Variants in GFRAL observed in about 807,000 individuals in gnomAD.
GFRAL encodes the protein GDNF family receptor alpha-like.
GFRAL carries 36 observed loss-of-function variants against 45.4 expected under a neutral mutation model. That is an observed-to-expected ratio of 0.79 (90% CI 0.61 to 1.05). The LOEUF is 1.05. Among genes scored for constraint, GFRAL ranks in the 50% least tolerant of loss-of-function variants. GFRAL has a pLI of 0.00. For synonymous variants in GFRAL, 166 were observed against 154.1 expected, an observed-to-expected ratio of 1.08 and a Z score of -0.57; for missense variants, 507 against 467.5, an observed-to-expected ratio of 1.08 and a Z score of -0.78.
At chr6:55,370,446 G>T (rs1298479100) in intron 6 of GFRAL, among the ~76,000 whole-genome samples, 1 of 152,074 alleles carries the variant, frequency 6.6e-6, no homozygotes, top group Non-Finnish European at 1.5e-5. Flanking sequence ...TGTAGAACTA[G>T]TGACTTATTT....
chr6:55,370,006 A>G (rs1768430409), intron 6 of GFRAL, among the ~76,000 whole-genome samples: 1 of 152,180 alleles, frequency 6.6e-6, no homozygotes, highest in African/African-American at 2.4e-5. Flanking sequence ...ACTGGACCCT[A>G]CTATGTGTTA....
intron 2 of GFRAL, 99 bp downstream of exon 2, chr6:55,331,948 C>A: frequency 9.2e-7 from 1 of 1,086,976 alleles, no homozygotes; most frequent in Non-Finnish European, 1.3e-6. Context: ...AAGTTTTTTT[C>A]TATGTATCTT....
chr6:55,369,314 G>T (rs561021315), intron 6 of GFRAL, among the ~76,000 whole-genome samples: 1 of 152,156 alleles, frequency 6.6e-6, no homozygotes, highest in African/African-American at 2.4e-5. Context: ...CGCAAGGTGC[G>T]CGCACCCACT....
In GFRAL at chr6:55,370,634, C is replaced by T. The variant is rs1179640851; in HGVS notation, c.952+11496C>T. On this transcript the variant is annotated intron_variant, in intron 6 of 8. Transcript: ENST00000340465. ...GGAGCAGTTCTCAATCTTTGCTAAA[C>T]GTGAGAATCATTGAGAGATTAAAAA... Among the ~76,000 whole-genome samples, 17 of 152,100 alleles carry T rather than the reference C, an allele frequency of 1.1e-4. 1 individual carries two copies. Among genetic ancestry groups the T allele is most frequent in the Admixed American group, 1.1e-3 (17 of 15,262 alleles).
intron 8 of GFRAL, among the ~76,000 whole-genome samples, chr6:55,400,890 C>G (rs945381317): frequency 6.6e-6 from 1 of 152,090 alleles, no homozygotes; most frequent in Non-Finnish European, 1.5e-5. Flanking sequence ...TTTTCTGGCC[C>G]GGCAAAAACA....
intron 1 of GFRAL, among the ~76,000 whole-genome samples, chr6:55,331,004 A>G (rs981715292): frequency 1.3e-5 from 2 of 152,178 alleles, no homozygotes; most frequent in Non-Finnish European, 2.9e-5. Context: ...CCACAGTGGA[A>G]CAATGATGAT....
intron 3 of GFRAL, among the ~76,000 whole-genome samples, chr6:55,347,621 A>C (rs1358637065): frequency 6.6e-6 from 1 of 152,180 alleles, no homozygotes; most frequent in Non-Finnish European, 1.5e-5. Flanking sequence ...AATAATTAAT[A>C]TTTTGGAAGC....
chr6:55,353,264 A>G (rs1768144424), intron 5 of GFRAL, among the ~76,000 whole-genome samples: 1 of 152,096 alleles, frequency 6.6e-6, no homozygotes, highest in Non-Finnish European at 1.5e-5. Context: ...AAACACAAAA[A>G]GTAATGATAT....
chr6:55,399,255 G>T lies in GFRAL; in HGVS notation c.1028G>T (p.Gly343Val), dbSNP rs763958116. ...RKHANKITLTGFHSPFNGEVI... is the reference protein window; with the variant it reads ...RKHANKITLTVFHSPFNGEVI... Reference sequence around the variant, plus strand: ...CATGCAAACAAAATCACTTTAACTGGATTTCATTCCCCCTTCAATGGTCAG... The same window carrying T: ...CATGCAAACAAAATCACTTTAACTGTATTTCATTCCCCCTTCAATGGTCAG... The change falls in exon 7 of 9, where the codon GGA becomes GTA. Residue 343 changes from glycine to valine, a missense_variant. Physicochemically the swap from Gly to Val is moderately radical, Grantham distance 109 (BLOSUM62 -3). Transcript: ENST00000340465. 6.3e-6 allele frequency: 10 copies of T among 1,599,818 alleles called. No homozygotes were observed. The highest frequency in any genetic ancestry group is 1.1e-5 in the South Asian group (1 of 90,066).
intron 6 of GFRAL, among the ~76,000 whole-genome samples, chr6:55,365,352 G>T (rs879467803): frequency 0.033 from 4,373 of 131,338 alleles, 65 homozygotes; most frequent in African/African-American, 0.063. Flanking sequence ...GAGACAATGG[G>T]GTTTTCTAGA....
chr6:55,357,990 T>C (rs1156599867), intron 5 of GFRAL, among the ~76,000 whole-genome samples: 1 of 151,868 alleles, frequency 6.6e-6, no homozygotes, highest in Admixed American at 6.6e-5. Context: ...TAATTACATG[T>C]TCAGAAAATT....
intron 3 of GFRAL, among the ~76,000 whole-genome samples, chr6:55,338,345 C>A (rs909369380): frequency 6.6e-6 from 1 of 152,162 alleles, no homozygotes; most frequent in Non-Finnish European, 1.5e-5. Context: ...CAGCATCAAA[C>A]TTCCAAAGTG....
chr6:55,384,470 C>T (rs116573550), intron 6 of GFRAL, among the ~76,000 whole-genome samples: 9,750 of 152,056 alleles, frequency 0.064, 504 homozygotes, highest in African/African-American at 0.14. Flanking sequence ...CCCCACAATT[C>T]TACTGTTTAC....
chr6:55,346,211 A>C (rs1768039513), intron 3 of GFRAL, among the ~76,000 whole-genome samples: 1 of 152,208 alleles, frequency 6.6e-6, no homozygotes, highest in South Asian at 2.1e-4. Flanking sequence ...AAAGGATTAC[A>C]AATCATGCTG....
At chr6:55,375,218 T>G (rs2127361643) in intron 6 of GFRAL, among the ~76,000 whole-genome samples, 1 of 152,288 alleles carries the variant, frequency 6.6e-6, no homozygotes, top group South Asian at 2.1e-4. Context: ...TTGGGCAGAA[T>G]GACCATTTTC....
intron 6 of GFRAL, among the ~76,000 whole-genome samples, chr6:55,391,540 C>T (rs1041892402): frequency 4.6e-5 from 7 of 152,006 alleles, no homozygotes; most frequent in African/African-American, 9.7e-5. Flanking sequence ...TGCTTGAGGC[C>T]GGGAGTTTGA....
intron 6 of GFRAL, among the ~76,000 whole-genome samples, chr6:55,396,400 C>CT (rs1215747216): frequency 1.3e-5 from 2 of 152,000 alleles, no homozygotes; most frequent in Non-Finnish European, 2.9e-5. Flanking sequence ...CAAAATAATA[C>CT]TTTTTTCTTC....
At chr6:55,378,746 C>T (rs572913841) in intron 6 of GFRAL, among the ~76,000 whole-genome samples, 89 of 151,986 alleles carry the variant, frequency 5.9e-4, no homozygotes, top group South Asian at 2.3e-3. Context: ...ATGAGTCTTA[C>T]TTCTAGCCAC....
At chr6:55,349,763 G>GT (rs59006121) in intron 3 of GFRAL, among the ~76,000 whole-genome samples, 3,891 of 138,682 alleles carry the variant, frequency 0.028, 114 homozygotes, top group African/African-American at 0.074. Context: ...TATTCCTTCT[G>GT]TTTTTTTTTT....
Sources: gnomAD v4.1 joint callset for allele counts (sites outside exome capture counted in the v4.1 genomes callset) on GRCh38, gnomAD v4.1.1 for gene constraint, MANE v1.5 for transcripts, NCBI Gene and HGNC (gene_info 2026-07-23, HGNC 2026-07-21) for gene names.